MPP7: variants seen among roughly 807,000 people sequenced by gnomAD.
MPP7 encodes the protein MAGUK p55 subfamily member 7.
Under a neutral mutation model 76.5 loss-of-function variants are expected in MPP7, and 60 were observed. The observed-to-expected ratio is 0.78, with a 90% CI of 0.64 to 0.97. The LOEUF is 0.97. Among genes scored for constraint, MPP7 ranks in the 50% least tolerant of loss-of-function variants. The pLI is 0.00. For missense variants in MPP7, 641 were observed against 694.0 expected (o/e 0.92, Z 0.86); for synonymous variants, 237 against 244.5 (o/e 0.97, Z 0.29).
At position 28,138,757 on chromosome 10, in the gene MPP7, T is replaced by C. The variant is rs1302027784; in HGVS notation, c.316-7066A>G. Among the ~76,000 whole-genome samples the C allele has an allele frequency of 5.9e-5, 9 of 152,318 alleles. No individual in the cohort carries two copies. The South Asian group carries it at 1.9e-3, about 32-fold the overall frequency. On this transcript the variant is annotated intron_variant, in intron 5 of 16. Transcript: ENST00000683449. ...ACAAAATCACAATCTTATACTATTA[T>C]GAATTAAAGACTATGAAAGAAAAGT...
intron 2 of MPP7, among the ~76,000 whole-genome samples, chr10:28,227,666 T>C (rs1396209170): frequency 2.0e-5 from 3 of 152,188 alleles, no homozygotes; most frequent in Admixed American, 1.3e-4. Context: ...CTTTTTATGG[T>C]TGCACAGTAT....
Position 28,057,438 on chromosome 10 carries a change from C to T in MPP7, c.1408-815G>A, listed in dbSNP as rs190678021. On this transcript the variant is annotated intron_variant, in intron 15 of 16. Coordinates refer to ENST00000683449, the MANE Select transcript of MPP7 (RefSeq NM_001318170.2). ...CCCTGTTGTTTAAAAGTGTGTGGCA[C>T]CTCGCTCCTCTCTCTCTCTTCCTCC... Among the ~76,000 whole-genome samples, 620 of 151,888 alleles carry T rather than the reference C, an allele frequency of 4.1e-3. 2 individuals carry two copies. Among genetic ancestry groups the T allele is most frequent in the Non-Finnish European group, 6.8e-3 (463 of 67,936 alleles).
intron 2 of MPP7, among the ~76,000 whole-genome samples, chr10:28,308,101 G>C (rs940188234): frequency 1.3e-5 from 2 of 152,212 alleles, no homozygotes; most frequent in African/African-American, 4.8e-5. Flanking sequence ...AGGGGAAGAA[G>C]GGAAATGGTC....
intron 3 of MPP7, among the ~76,000 whole-genome samples, chr10:28,188,395 A>G (rs1242073923): frequency 6.6e-6 from 1 of 152,216 alleles, no homozygotes; most frequent in Non-Finnish European, 1.5e-5. Context: ...GTTCATCTTT[A>G]TTAAGGTAAA....
At chr10:28,174,644 A>G (rs890454591) in intron 3 of MPP7, among the ~76,000 whole-genome samples, 3 of 152,192 alleles carry the variant, frequency 2.0e-5, no homozygotes, top group African/African-American at 7.2e-5. Flanking sequence ...GATACCCCGC[A>G]ACTCCATTCT....
intron 3 of MPP7, 144 bp from the exon 4 acceptor site, chr10:28,150,203 T>C: frequency 1.6e-6 from 1 of 617,088 alleles, no homozygotes; most frequent in Non-Finnish European, 2.8e-6. Context: ...ATGTAATATG[T>C]TTGTACATGC....
At chr10:28,160,424 T>C (rs1227093250) in intron 3 of MPP7, among the ~76,000 whole-genome samples, 1 of 152,228 alleles carries the variant, frequency 6.6e-6, no homozygotes, top group African/African-American at 2.4e-5. Context: ...CTTGGTGCCA[T>C]GGCCTTGGTT....
intron 5 of MPP7, among the ~76,000 whole-genome samples, chr10:28,139,704 G>C (rs1835452144): frequency 6.6e-6 from 1 of 152,158 alleles, no homozygotes; most frequent in African/African-American, 2.4e-5. Context: ...CTGCTCCATA[G>C]TAAAGACTTC....
At chr10:28,209,662 G>T (rs1426188650) in intron 2 of MPP7, among the ~76,000 whole-genome samples, 1 of 152,156 alleles carries the variant, frequency 6.6e-6, no homozygotes, top group African/African-American at 2.4e-5. Context: ...GGCTTGTATT[G>T]ACAATGTTTG....
At chr10:28,227,055 A>AT (rs1239598531) in intron 2 of MPP7, among the ~76,000 whole-genome samples, 5 of 152,194 alleles carry the variant, frequency 3.3e-5, no homozygotes, top group Admixed American at 2.0e-4. Context: ...ATACTCAGTG[A>AT]TTTTCTTTAG....
intron 1 of MPP7, among the ~76,000 whole-genome samples, chr10:28,259,636 T>G (rs572511199): frequency 6.6e-6 from 1 of 150,502 alleles, no homozygotes; most frequent in East Asian, 2.0e-4. Context: ...AAGAGAAGGA[T>G]GCAGGGAGGC....
chr10:28,276,796 A>C (rs1049015327), intron 1 of MPP7, among the ~76,000 whole-genome samples: 3 of 152,112 alleles, frequency 2.0e-5, no homozygotes, highest in Admixed American at 6.5e-5. Context: ...TGTGAAGAAC[A>C]ATGGGATCTG....
At chr10:28,117,088 T>C (rs1834685330) in intron 11 of MPP7, among the ~76,000 whole-genome samples, 1 of 152,196 alleles carries the variant, frequency 6.6e-6, no homozygotes, top group Non-Finnish European at 1.5e-5. Context: ...CCATCTTCCA[T>C]GAACTTTTCC....
intron 2 of MPP7, among the ~76,000 whole-genome samples, chr10:28,205,857 C>T (rs1837933735): frequency 6.6e-6 from 1 of 152,176 alleles, no homozygotes; most frequent in South Asian, 2.1e-4. Context: ...AATGCAAGAG[C>T]GTTGGGAGGT....
chr10:28,110,765 A>T (rs1717226726), intron 11 of MPP7, among the ~76,000 whole-genome samples: 2 of 152,220 alleles, frequency 1.3e-5, no homozygotes, highest in African/African-American at 4.8e-5. Flanking sequence ...GCACAGAAAT[A>T]AATTAATTGA....
intron 1 of MPP7, among the ~76,000 whole-genome samples, chr10:28,295,903 G>C (rs1224706620): frequency 3.9e-5 from 6 of 152,110 alleles, no homozygotes; most frequent in African/African-American, 1.4e-4. Context: ...GTTGTTAAAG[G>C]GATGGAAGAA....
chr10:28,173,229 A>AAAG (rs1205677081), intron 3 of MPP7, among the ~76,000 whole-genome samples: 31 of 146,008 alleles, frequency 2.1e-4, no homozygotes, highest in African/African-American at 7.1e-4. Context: ...GTAGCGATGA[A>AAAG]AAAAAAAAAA....
intron 1 of MPP7, among the ~76,000 whole-genome samples, chr10:28,294,342 T>C (rs970486505): frequency 2.0e-5 from 3 of 152,128 alleles, no homozygotes; most frequent in Non-Finnish European, 4.4e-5. Context: ...AAATACAAAG[T>C]TGTCATAGTA....
chr10:28,158,519 G>A (rs1441388184), intron 3 of MPP7, among the ~76,000 whole-genome samples: 3 of 152,144 alleles, frequency 2.0e-5, no homozygotes, highest in Admixed American at 6.5e-5. Context: ...CAGAGAAGAC[G>A]ACAGAGGACA....
Sources: gnomAD v4.1 joint callset for allele counts (sites outside exome capture counted in the v4.1 genomes callset) on GRCh38, gnomAD v4.1.1 for gene constraint, MANE v1.5 for transcripts, NCBI Gene and HGNC (gene_info 2026-07-23, HGNC 2026-07-21) for gene names.